SSPN: variants seen among roughly 807,000 people sequenced by gnomAD.
SSPN encodes K-ras oncogene-associated protein.
SSPN carries 15 observed loss-of-function variants against 19.1 expected under a neutral mutation model. That is an observed-to-expected ratio of 0.78 (90% CI 0.52 to 1.21). SSPN has a LOEUF of 1.21. SSPN is among the 50% of genes most tolerant of loss of function. SSPN has a pLI of 0.00. For missense variants in SSPN, 291 were observed against 314.0 expected (o/e 0.93, Z 0.55); for synonymous variants, 147 against 140.3 (o/e 1.05, Z -0.34).
chr12:26,219,874 G>A (rs1053756714), intron 1 of SSPN, among the ~76,000 whole-genome samples: 6 of 152,070 alleles, frequency 3.9e-5, no homozygotes, highest in East Asian at 1.9e-4. Context: ...TCCAACAAGC[G>A]CCTTCTTGAA....
At chr12:26,221,001 A>G (rs1036894624) in intron 1 of SSPN, among the ~76,000 whole-genome samples, 1 of 152,184 alleles carries the variant, frequency 6.6e-6, no homozygotes, top group African/African-American at 2.4e-5. Context: ...TCATAGCCAG[A>G]AGGACCATTC....
chr12:26,131,397 C>T (rs1003309551), intron 1 of SSPN, among the ~76,000 whole-genome samples: 1 of 152,246 alleles, frequency 6.6e-6, no homozygotes, highest in Admixed American at 6.5e-5. Flanking sequence ...ACGTAGCAGA[C>T]CTGTCCTGTG....
In SSPN at chr12:26,230,821, C is replaced by T. The variant is rs779535775; in HGVS notation, c.477C>T (p.Leu159=). 2.1e-5 allele frequency: 34 copies of T among 1,614,108 alleles called. No homozygotes were observed. The highest frequency in any genetic ancestry group is 2.0e-4 in the East Asian group (9 of 44,904). ...CACAGTTTACCTGTGAGACCACACT[C>T]GACTCTTGCCAGTGCAAACTGCCCT... ...QLTQFTCETT[L]DSCQCKLPSS... The change falls in exon 3 of 3, where the codon CTC becomes CTT. Residue 159 remains leucine (L), a synonymous_variant. Transcript: ENST00000242729.
At chr12:26,122,632 C>T (rs867947890) in intron 1 of SSPN, 9 of 1,263,556 alleles carry the variant, frequency 7.1e-6, no homozygotes, top group Non-Finnish European at 7.0e-6. Context: ...GCCGCGCCGC[C>T]CCCCGGGCCG....
chr12:26,200,841 C>T (rs1944870497), intron 1 of SSPN, among the ~76,000 whole-genome samples: 1 of 151,296 alleles, frequency 6.6e-6, no homozygotes, highest in South Asian at 2.1e-4. Flanking sequence ...TGGCAACTGC[C>T]ACAGGATTGT....
chr12:26,213,004 T>A lies in SSPN; in HGVS notation c.280-11289T>A, dbSNP rs1945007416. Among the ~76,000 whole-genome samples the A allele has an allele frequency of 3.3e-5, 5 of 152,138 alleles. No individual in the cohort carries two copies. The South Asian group carries it at 1.0e-3, about 32-fold the overall frequency. The stretch of plus-strand genomic sequence containing the variant: ...TCTTCGCTTTATATTTGCGCCCCTA[T>A]TACTTCTGGAATTCGCCATGGATAT... On this transcript the variant is annotated intron_variant, in intron 1 of 2. Transcript: ENST00000242729.
At chr12:26,161,015 G>T (rs1944585082) in intron 1 of SSPN, among the ~76,000 whole-genome samples, 2 of 150,670 alleles carry the variant, frequency 1.3e-5, no homozygotes, top group South Asian at 4.2e-4. Flanking sequence ...GGTCTAGGCA[G>T]GAGAATCGTT....
chr12:26,141,950 C>A (rs1394511619), intron 1 of SSPN, among the ~76,000 whole-genome samples: 1 of 152,120 alleles, frequency 6.6e-6, no homozygotes, highest in Admixed American at 6.5e-5. Flanking sequence ...AGGAAAAGCA[C>A]CTTGGCAGGC....
chr12:26,209,142 T>C (rs550375767), intron 1 of SSPN, among the ~76,000 whole-genome samples: 4 of 152,282 alleles, frequency 2.6e-5, no homozygotes, highest in Non-Finnish European at 5.9e-5. Flanking sequence ...TTGTACTTTC[T>C]ATACATGACC....
chr12:26,182,248 G>A (rs1438898746), intron 1 of SSPN, among the ~76,000 whole-genome samples: 2 of 152,174 alleles, frequency 1.3e-5, no homozygotes, highest in Non-Finnish European at 1.5e-5. Flanking sequence ...CCATAGAGGT[G>A]TACTGAGCAT....
At chr12:26,188,820 C>T (rs1369034454) in intron 1 of SSPN, among the ~76,000 whole-genome samples, 1 of 152,176 alleles carries the variant, frequency 6.6e-6, no homozygotes, top group Admixed American at 6.5e-5. Context: ...CTCTAGACAG[C>T]CTTTGTTCTC....
At chr12:26,222,051 C>T (rs1452231451) in intron 1 of SSPN, among the ~76,000 whole-genome samples, 2 of 152,190 alleles carry the variant, frequency 1.3e-5, no homozygotes, top group Non-Finnish European at 1.5e-5. Flanking sequence ...TGAATAACTT[C>T]AGTATCTTTA....
rs569365406 is a variant in SSPN at position 26,138,347 on chromosome 12, A to C, written c.-31+16195A>C. On this transcript the variant is annotated intron_variant, in intron 1 of 2. Coordinates refer to the SSPN transcript ENST00000538142. ...GTGGTTTATTTTCTCCTGAAAAACA[A>C]ATTTTTGATTTTGTTAAACTTTTCA... Among the ~76,000 whole-genome samples, 20 of 152,330 alleles carry C rather than the reference A, an allele frequency of 1.3e-4. No individual in the cohort carries two copies. In the South Asian group the frequency reaches 3.9e-3, roughly 30 times the overall value.
intron 1 of SSPN, among the ~76,000 whole-genome samples, chr12:26,206,837 T>G (rs1270511382): frequency 6.6e-6 from 1 of 152,236 alleles, no homozygotes; most frequent in African/African-American, 2.4e-5. Context: ...AATAAGTATT[T>G]ATAGAACTTG....
rs200886903 is a variant in SSPN, at chr12:26,123,080, G to A, written c.-31+928G>A. The A allele has an allele frequency of 5.3e-4, 848 of 1,601,018 alleles. 1 individual carries two copies. The Middle Eastern group carries it at 8.9e-3, about 17-fold the overall frequency. On this transcript the variant is annotated intron_variant, in intron 1 of 2. Transcript: ENST00000538142. Reference sequence around the variant, plus strand: ...GTGTCCAGCTCTCAAACCGGGAGAGGTATTGCAAGACTTCTTTGGCGCATG... The same window carrying A: ...GTGTCCAGCTCTCAAACCGGGAGAGATATTGCAAGACTTCTTTGGCGCATG...
chr12:26,162,149 C>T (rs2343866), intron 1 of SSPN, among the ~76,000 whole-genome samples: 63,327 of 151,944 alleles, frequency 0.42, 15,581 homozygotes, highest in Admixed American at 0.58. Flanking sequence ...TCCATTTGGT[C>T]AACTCCTCAT....
At chr12:26,122,091 G>C in exon 1 of SSPN, 1 of 1,549,848 alleles carries the variant, frequency 6.5e-7, no homozygotes, top group Non-Finnish European at 8.7e-7. Flanking sequence ...TCCTGGCTGC[G>C]AGGGATCTTC....
intron 1 of SSPN, chr12:26,123,211 G>C: frequency 1.3e-6 from 2 of 1,533,880 alleles, no homozygotes; most frequent in Non-Finnish European, 1.8e-6. Flanking sequence ...GAGGAGTGGA[G>C]GCAAGAAGAA....
intron 2 of SSPN, among the ~76,000 whole-genome samples, chr12:26,225,968 T>C (rs1945171934): frequency 6.8e-6 from 1 of 146,048 alleles, no homozygotes; most frequent in Non-Finnish European, 1.5e-5. Context: ...TTAGTTAAAA[T>C]AGGGAGTAAG....
Sources: gnomAD v4.1 joint callset for allele counts (sites outside exome capture counted in the v4.1 genomes callset) on GRCh38, gnomAD v4.1.1 for gene constraint, MANE v1.5 for transcripts, NCBI Gene and HGNC (gene_info 2026-07-23, HGNC 2026-07-21) for gene names.